COL8A1: variants seen among roughly 807,000 people sequenced by gnomAD.
COL8A1 encodes collagen type VIII alpha 1 chain, also known as collagen alpha-1(VIII) chain.
Under a neutral mutation model 42.7 loss-of-function variants are expected in COL8A1, and 21 were observed. The observed-to-expected ratio is 0.49, with a 90% CI of 0.35 to 0.71. The LOEUF (loss-of-function observed/expected upper bound fraction) is 0.71, where lower values mean the gene tolerates loss of function less well. Among genes scored for constraint, COL8A1 ranks in the 30% least tolerant of loss-of-function variants. The probability of loss-of-function intolerance (pLI) is 0.01; values close to 1 mark genes in which losing one functional copy is unlikely to be tolerated. For missense variants in COL8A1, 788 were observed against 962.4 expected, an observed-to-expected ratio of 0.82 and a Z score of 2.40; for synonymous variants, 367 against 369.1, an observed-to-expected ratio of 0.99 and a Z score of 0.06.
At chr3:99,650,461 G>A (rs1343340058) in intron 1 of COL8A1, among the ~76,000 whole-genome samples, 1 of 151,844 alleles carries the variant, frequency 6.6e-6, no homozygotes, top group Non-Finnish European at 1.5e-5. Flanking sequence ...TTGAGACAGA[G>A]TCTCACTCTG....
At chr3:99,718,250 G>C (rs1041691267) in intron 1 of COL8A1, among the ~76,000 whole-genome samples, 4 of 151,976 alleles carry the variant, frequency 2.6e-5, no homozygotes, top group South Asian at 2.1e-4. Flanking sequence ...CCAATTAGAT[G>C]ATGGCCCCTT....
chr3:99,794,775 C>G lies in COL8A1; in HGVS notation c.874C>G (p.Pro292Ala), dbSNP rs781658525. 4 of 1,598,468 alleles carry G rather than the reference C, an allele frequency of 2.5e-6. No homozygotes were observed. The highest frequency in any genetic ancestry group is 3.4e-6 in the Non-Finnish European group (4 of 1,174,418). Residue 292 changes from proline (P) to alanine (A), a missense_variant, in exon 4 of 4, where the codon CCA becomes GCA. Transcript: ENST00000652472. The surrounding 1 kb of genome is among the most constrained non-coding windows in gnomAD (Gnocchi z 4.3). ...PQGPLGKPGA[P>A]GEPGPQGPIG... Reference sequence around the variant, plus strand: ...GGGCCCCCTGGGAAAGCCAGGGGCTCCAGGAGAACCTGGGCCACAAGGCCC... The same window carrying G: ...GGGCCCCCTGGGAAAGCCAGGGGCTGCAGGAGAACCTGGGCCACAAGGCCC...
intron 1 of COL8A1, chr3:99,677,936 T>C (rs920571523): frequency 5.9e-5 from 9 of 152,116 alleles, no homozygotes; most frequent in African/African-American, 2.2e-4. Context: ...TTTGTGACTG[T>C]GAGAAAAGAA....
chr3:99,684,748 C>T (rs998368038), intron 1 of COL8A1, among the ~76,000 whole-genome samples: 8 of 152,170 alleles, frequency 5.3e-5, no homozygotes, highest in African/African-American at 1.7e-4. Flanking sequence ...GGGAATTGTG[C>T]TTCCATTACC....
At chr3:99,640,076 G>A (rs922359502) in intron 1 of COL8A1, among the ~76,000 whole-genome samples, 3 of 152,086 alleles carry the variant, frequency 2.0e-5, no homozygotes, top group Non-Finnish European at 4.4e-5. Flanking sequence ...TAAAAGTTCT[G>A]CTTGAGATGG....
intron 1 of COL8A1, among the ~76,000 whole-genome samples, chr3:99,693,955 T>G (rs186538048): frequency 4.5e-4 from 68 of 152,328 alleles, no homozygotes; most frequent in Admixed American, 1.2e-3. Context: ...TTTCTATGTT[T>G]AGATACACAA....
intron 1 of COL8A1, among the ~76,000 whole-genome samples, chr3:99,699,345 A>T (rs1041874056): frequency 1.3e-5 from 2 of 152,180 alleles, no homozygotes; most frequent in African/African-American, 4.8e-5. Flanking sequence ...TGCACTTGTA[A>T]ATCACAGCCT....
chr3:99,688,949 C>A (rs781582178), intron 1 of COL8A1, among the ~76,000 whole-genome samples: 5 of 152,074 alleles, frequency 3.3e-5, no homozygotes, highest in Non-Finnish European at 7.4e-5. Context: ...TCTCCCCTCC[C>A]CAGCTGTGAC....
chr3:99,735,100 G>T (rs1169023430), intron 1 of COL8A1, among the ~76,000 whole-genome samples: 2 of 148,288 alleles, frequency 1.3e-5, no homozygotes, highest in African/African-American at 5.0e-5. Context: ...CTGCAAACAG[G>T]GACAATTTGA....
chr3:99,723,861 C>T, intron 1 of COL8A1, among the ~76,000 whole-genome samples: 1 of 152,136 alleles, frequency 6.6e-6, no homozygotes, highest in Non-Finnish European at 1.5e-5. Context: ...CACAAATTCT[C>T]TTCATCTTGC....
intron 1 of COL8A1, among the ~76,000 whole-genome samples, chr3:99,638,886 T>G (rs1434031707): frequency 1.3e-5 from 2 of 152,198 alleles, no homozygotes; most frequent in African/African-American, 4.8e-5. Context: ...TTGCGAAACC[T>G]TTCTCTTTTT....
intron 1 of COL8A1, among the ~76,000 whole-genome samples, chr3:99,732,448 CT>C (rs1216768289): frequency 1.3e-5 from 2 of 152,100 alleles, no homozygotes; most frequent in Non-Finnish European, 2.9e-5. Flanking sequence ...ACACATCCTT[CT>C]TCACATGGCA....
At chr3:99,648,702 A>G (rs2107286555) in intron 1 of COL8A1, among the ~76,000 whole-genome samples, 1 of 152,306 alleles carries the variant, frequency 6.6e-6, no homozygotes, top group South Asian at 2.1e-4. Flanking sequence ...TTAAGGCAAT[A>G]GAAATTTCCA....
intron 1 of COL8A1, among the ~76,000 whole-genome samples, chr3:99,666,032 A>C (rs928603407): frequency 6.6e-6 from 1 of 151,898 alleles, no homozygotes; most frequent in Non-Finnish European, 1.5e-5. Flanking sequence ...TGAGATGTTG[A>C]TCAGAAATTC....
chr3:99,644,837 C>G (rs1352477426), intron 1 of COL8A1, among the ~76,000 whole-genome samples: 1 of 152,172 alleles, frequency 6.6e-6, no homozygotes, highest in Non-Finnish European at 1.5e-5. Context: ...CTGTCAACTT[C>G]TCTAGGAAAT....
At chr3:99,762,359 C>A (rs964960977) in intron 2 of COL8A1, among the ~76,000 whole-genome samples, 1 of 152,138 alleles carries the variant, frequency 6.6e-6, no homozygotes, top group Non-Finnish European at 1.5e-5. Flanking sequence ...AGATACCGTA[C>A]TTAAATACTT....
intron 1 of COL8A1, among the ~76,000 whole-genome samples, chr3:99,719,649 G>A (rs1367374664): frequency 6.6e-6 from 1 of 152,132 alleles, no homozygotes; most frequent in Non-Finnish European, 1.5e-5. Context: ...TGTGAAGCAT[G>A]AGTAAGTGTT....
chr3:99,694,362 G>T (rs1359131339), intron 1 of COL8A1, among the ~76,000 whole-genome samples: 4 of 151,970 alleles, frequency 2.6e-5, no homozygotes, highest in Non-Finnish European at 5.9e-5. Flanking sequence ...TGTAGCCCCA[G>T]TTACTCAGGA....
chr3:99,712,422 A>G (rs1431006899), intron 1 of COL8A1, among the ~76,000 whole-genome samples: 1 of 152,102 alleles, frequency 6.6e-6, no homozygotes, highest in East Asian at 1.9e-4. Flanking sequence ...GCAAAAAGTC[A>G]TTTCAGTTTA....
Sources: allele counts gnomAD v4.1 joint callset (sites outside exome capture counted in the v4.1 genomes callset), GRCh38; gene constraint gnomAD v4.1.1; non-coding constraint Gnocchi (gnomAD v3.1); transcripts MANE v1.5; gene names NCBI Gene and HGNC (gene_info 2026-07-23, HGNC 2026-07-21).